OSTF1: variants seen among roughly 807,000 people sequenced by gnomAD.
OSTF1 encodes osteoclast-stimulating factor 1.
Under a neutral mutation model 37.2 loss-of-function variants are expected in OSTF1, and 27 were observed. That is an observed-to-expected ratio of 0.73 (90% CI 0.54 to 1.00). OSTF1 has a LOEUF of 1.00. OSTF1 is among the 50% of genes least tolerant of loss of function. The probability of loss-of-function intolerance (pLI) is 0.00; values close to 1 mark genes in which losing one functional copy is unlikely to be tolerated. For synonymous variants in OSTF1, 82 were observed against 89.2 expected (o/e 0.92, Z 0.46); for missense variants, 232 against 253.8 (o/e 0.91, Z 0.58).
At chr9:75,142,574 G>A (rs969615917) in intron 9 of OSTF1, among the ~76,000 whole-genome samples, 5 of 152,114 alleles carry the variant, frequency 3.3e-5, no homozygotes, top group African/African-American at 1.2e-4. Flanking sequence ...TTACTCAGGA[G>A]TGGTTTGAGT....
chr9:75,095,922 T>C (rs930939010), intron 1 of OSTF1, among the ~76,000 whole-genome samples: 21 of 151,916 alleles, frequency 1.4e-4, no homozygotes, highest in South Asian at 1.0e-3. Flanking sequence ...GATGGAGTCT[T>C]GCTCTGTCGC....
intron 7 of OSTF1, among the ~76,000 whole-genome samples, chr9:75,136,116 G>A (rs963848205): frequency 1.6e-4 from 24 of 152,228 alleles, no homozygotes; most frequent in African/African-American, 5.3e-4. Context: ...GAGGGGGCCT[G>A]TACCAGGGCC....
At chr9:75,095,936 G>T (rs1825076144) in intron 1 of OSTF1, among the ~76,000 whole-genome samples, 1 of 151,406 alleles carries the variant, frequency 6.6e-6, no homozygotes, top group South Asian at 2.1e-4. Flanking sequence ...CTGTCGCCCA[G>T]GCTGGAGTGC....
At chr9:75,111,354 G>A (rs920028170) in intron 1 of OSTF1, among the ~76,000 whole-genome samples, 1 of 152,124 alleles carries the variant, frequency 6.6e-6, no homozygotes, top group Non-Finnish European at 1.5e-5. Flanking sequence ...TTTGGCTGAT[G>A]ACTAATGGAC....
At chr9:75,117,705 C>T (rs1219105572) in intron 2 of OSTF1, among the ~76,000 whole-genome samples, 155 bp downstream of exon 2, 1 of 152,158 alleles carries the variant, frequency 6.6e-6, no homozygotes, top group Non-Finnish European at 1.5e-5. Context: ...CAAGTTAAGT[C>T]CCAGGCTGAT....
chr9:75,111,811 CTTTTTTTTTTTTTTTTTT>C (rs535464490), intron 1 of OSTF1, among the ~76,000 whole-genome samples: 4 of 52,114 alleles, frequency 7.7e-5, no homozygotes, highest in Admixed American at 3.3e-4. Context: ...ATGTTTACTG[CTTTTTTTTTTTTTTTTTT>C]TTTTTTTTTT....
In OSTF1 at chr9:75,088,601, C is replaced by A; in HGVS notation, c.-92C>A. 7.2e-7 allele frequency: 1 copy of A among 1,386,154 alleles called. No individual in the cohort carries two copies. The highest frequency in any genetic ancestry group is 1.0e-6 in the Non-Finnish European group (1 of 994,602). 85.9% of individuals were successfully genotyped at this position (1,386,154 alleles called of 1,614,324 possible). ...AGGAGGCGCACGGTTGTAAGCCAGA[C>A]AAAAAGAACTGGGGTGCCCGGAGTG... On this transcript the variant is annotated 5_prime_UTR_variant, in exon 1 of 10. Transcript: ENST00000346234.
chr9:75,099,364 G>A (rs370051372), intron 1 of OSTF1, among the ~76,000 whole-genome samples: 8 of 151,544 alleles, frequency 5.3e-5, no homozygotes, highest in South Asian at 2.1e-4. Context: ...TGACCCTCCC[G>A]CCTCAGCTTC....
intron 1 of OSTF1, among the ~76,000 whole-genome samples, chr9:75,091,381 A>G (rs942393329): frequency 6.6e-6 from 1 of 151,864 alleles, no homozygotes; most frequent in Non-Finnish European, 1.5e-5. Context: ...ACTCTTAACC[A>G]TTTGCTATTC....
intron 1 of OSTF1, 79 bp downstream of exon 1, chr9:75,088,805 G>A: frequency 7.1e-7 from 1 of 1,412,096 alleles, no homozygotes; most frequent in Non-Finnish European, 9.8e-7. Flanking sequence ...TTGGCAGGGA[G>A]GACCCGGCGC....
intron 1 of OSTF1, among the ~76,000 whole-genome samples, chr9:75,090,935 A>T (rs1327896178): frequency 1.3e-5 from 2 of 152,230 alleles, no homozygotes; most frequent in African/African-American, 2.4e-5. Flanking sequence ...ATCTTATGAG[A>T]TCAGTACCAT....
chr9:75,123,339 G>A (rs1188517925), intron 2 of OSTF1, among the ~76,000 whole-genome samples: 2 of 152,168 alleles, frequency 1.3e-5, no homozygotes, highest in Non-Finnish European at 2.9e-5. Flanking sequence ...GGAGAATGGC[G>A]TGAACCCTTG....
intron 1 of OSTF1, among the ~76,000 whole-genome samples, chr9:75,091,609 A>T (rs778568556): frequency 1.2e-4 from 18 of 152,170 alleles, no homozygotes; most frequent in Non-Finnish European, 2.4e-4. Flanking sequence ...CAAAGACAGC[A>T]TGGGATTGGG....
intron 8 of OSTF1, among the ~76,000 whole-genome samples, chr9:75,139,164 T>A (rs1214866008): frequency 6.6e-6 from 1 of 151,194 alleles, no homozygotes; most frequent in Non-Finnish European, 1.5e-5. Flanking sequence ...CACCTCAGCC[T>A]CCTGAATAGC....
At chr9:75,142,130 C>A (rs1825953743) in intron 9 of OSTF1, among the ~76,000 whole-genome samples, 1 of 152,166 alleles carries the variant, frequency 6.6e-6, no homozygotes, top group Non-Finnish European at 1.5e-5. Flanking sequence ...AGTGTAACTG[C>A]TAATCAGTTG....
intron 8 of OSTF1, among the ~76,000 whole-genome samples, chr9:75,140,335 A>G (rs1825919657): frequency 6.6e-6 from 1 of 152,238 alleles, no homozygotes; most frequent in South Asian, 2.1e-4. Flanking sequence ...ATTCTGATGT[A>G]ATTTTGAACA....
chr9:75,133,454 C>A, intron 6 of OSTF1, 53 bp downstream of exon 6: 1 of 1,048,340 alleles, frequency 9.5e-7, no homozygotes, highest in Non-Finnish European at 1.5e-6. Context: ...TGTGTTTCAC[C>A]TACGGGAGCC....
chr9:75,091,141 A>G lies in OSTF1; in HGVS notation c.34+2415A>G, dbSNP rs1587430554. Among the ~76,000 whole-genome samples the G allele has an allele frequency of 2.2e-5, 3 of 136,898 alleles. No homozygotes were observed. The East Asian group carries it at 6.6e-4, about 30-fold the overall frequency. 89.8% of individuals were successfully genotyped at this position (136,898 alleles called of 152,430 possible). A position where few individuals can be genotyped will look rare whatever the true frequency, so the allele number is the denominator to read the frequency against. ...CGCTCTGTTGCCCAGGCTGGAGTGCAGTGGCGCGATCTCGGCTCACTGCAA... is the reference window on the plus strand; with the variant it reads ...CGCTCTGTTGCCCAGGCTGGAGTGCGGTGGCGCGATCTCGGCTCACTGCAA... On this transcript the variant is annotated intron_variant, in intron 1 of 9. Coordinates refer to ENST00000346234, the MANE Select transcript of OSTF1 (RefSeq NM_012383.5).
At chr9:75,126,921 C>T (rs1017746754) in intron 2 of OSTF1, among the ~76,000 whole-genome samples, 2 of 152,154 alleles carry the variant, frequency 1.3e-5, no homozygotes, top group Admixed American at 6.5e-5. Flanking sequence ...TTGGTTGGTA[C>T]AGGCCAGAGC....
Sources: allele counts gnomAD v4.1 joint callset (sites outside exome capture counted in the v4.1 genomes callset), GRCh38; gene constraint gnomAD v4.1.1; transcripts MANE v1.5; gene names NCBI Gene and HGNC (gene_info 2026-07-23, HGNC 2026-07-21).